ERC1: variants seen among roughly 807,000 people sequenced by gnomAD.
ERC1 encodes ELKS/RAB6-interacting/CAST family member 1.
A neutral mutation model predicts 132.0 loss-of-function variants in ERC1; 56 were observed. That is an observed-to-expected ratio of 0.42 (90% CI 0.34 to 0.53). The LOEUF is 0.53. ERC1 is among the 20% of genes least tolerant of loss of function. The probability of loss-of-function intolerance (pLI) is 0.03; values close to 1 mark genes in which losing one functional copy is unlikely to be tolerated. For missense variants in ERC1, 1,202 were observed against 1,349.9 expected (o/e 0.89, Z 1.72); for synonymous variants, 478 against 476.1 (o/e 1.00, Z -0.05).
chr12:1,397,999 G>GT (rs976445059), intron 16 of ERC1, among the ~76,000 whole-genome samples: 4 of 151,956 alleles, frequency 2.6e-5, no homozygotes, highest in Non-Finnish European at 4.4e-5. Context: ...AAAATGCGAA[G>GT]TTTTTTTTAG....
intron 17 of ERC1, among the ~76,000 whole-genome samples, chr12:1,437,002 C>T (rs1463250408): frequency 6.6e-6 from 1 of 152,088 alleles, no homozygotes; most frequent in Non-Finnish European, 1.5e-5. Flanking sequence ...TTATACTTAA[C>T]TCTTCCATTT....
At chr12:1,309,109 G>GTTT (rs2081098556) in intron 15 of ERC1, among the ~76,000 whole-genome samples, 1 of 152,220 alleles carries the variant, frequency 6.6e-6, no homozygotes. Flanking sequence ...CTGGAACTGT[G>GTTT]AGAAGTAATT....
intron 17 of ERC1, among the ~76,000 whole-genome samples, chr12:1,411,414 A>G (rs146482633): frequency 1.7e-4 from 26 of 152,188 alleles, no homozygotes; most frequent in African/African-American, 5.5e-4. Flanking sequence ...TGATGAGGAC[A>G]TGTGTAGATC....
At chr12:1,384,708 T>G (rs1024272903) in intron 16 of ERC1, among the ~76,000 whole-genome samples, 3 of 152,210 alleles carry the variant, frequency 2.0e-5, no homozygotes, top group African/African-American at 7.2e-5. Context: ...TTATGAAATA[T>G]AAGAATTTAA....
intron 12 of ERC1, among the ~76,000 whole-genome samples, chr12:1,198,450 A>G (rs564642320): frequency 1.8e-4 from 27 of 152,292 alleles, no homozygotes; most frequent in African/African-American, 5.8e-4. Flanking sequence ...ATAGAACTGG[A>G]GATCAGTTTT....
intron 16 of ERC1, among the ~76,000 whole-genome samples, chr12:1,387,449 A>G (rs1353578082): frequency 1.3e-5 from 2 of 152,216 alleles, no homozygotes; most frequent in Admixed American, 6.5e-5. Flanking sequence ...TCCAGTTTCT[A>G]TAACCTGTAA....
At chr12:1,015,161 G>A (rs1007500831) in intron 1 of ERC1, among the ~76,000 whole-genome samples, 6 of 151,386 alleles carry the variant, frequency 4.0e-5, no homozygotes, top group Non-Finnish European at 8.8e-5. Context: ...CTCTGCCTCC[G>A]GAGTTCAGGC....
chr12:1,092,001 CTTTTTT>C (rs34377863), intron 3 of ERC1, among the ~76,000 whole-genome samples: 1 of 138,060 alleles, frequency 7.2e-6, no homozygotes. Context: ...TTAATCAATT[CTTTTTT>C]TTTTTTTTTG....
At position 1,083,518 on chromosome 12, in the gene ERC1, C is replaced by T. The variant is rs1375220297; in HGVS notation, c.1024C>T (p.His342Tyr). The T allele has an allele frequency of 1.2e-6, 2 of 1,613,600 alleles. No individual in the cohort carries two copies. The highest frequency in any genetic ancestry group is 2.2e-5 in the East Asian group (1 of 44,892). ...AAGACGACTGGCAGAGGCAGAGATG[C>T]ACGTTCATCACCTAGAAAGCCTTTT... ...RTRRLAEAEM[H>Y]VHHLESLLEQ... The change falls in exon 3 of 19, where the codon CAC (histidine) becomes TAC (tyrosine). Residue 342 changes from histidine to tyrosine, a missense_variant. Transcript: ENST00000360905.
chr12:1,332,784 C>G (rs2082966458), intron 15 of ERC1, among the ~76,000 whole-genome samples: 1 of 152,160 alleles, frequency 6.6e-6, no homozygotes, highest in Non-Finnish European at 1.5e-5. Context: ...TCTCTGCTTA[C>G]TTGTTACAGG....
chr12:1,304,652 T>C (rs2080698379), intron 15 of ERC1, among the ~76,000 whole-genome samples: 1 of 152,198 alleles, frequency 6.6e-6, no homozygotes, highest in Non-Finnish European at 1.5e-5. Flanking sequence ...AGAATATTGG[T>C]TGATCTGGAG....
intron 15 of ERC1, among the ~76,000 whole-genome samples, chr12:1,322,615 A>G (rs73034944): frequency 0.035 from 5,263 of 152,268 alleles, 98 homozygotes; most frequent in Middle Eastern, 0.075. Context: ...TAGTCTAAAC[A>G]TCTTTAATAA....
rs147228986 is a variant in ERC1 at position 1,113,584 on chromosome 12, G to A, written c.1401+1286G>A. Among the ~76,000 whole-genome samples the A allele has an allele frequency of 2.7e-4, 41 of 152,252 alleles. 3 individuals are homozygous for A. The East Asian group carries it at 7.9e-3, about 29-fold the overall frequency. On this transcript the variant is annotated intron_variant, in intron 6 of 18. Transcript: ENST00000360905. Reference sequence around the variant, plus strand: ...AAAAAACCAAACTTGGGCTACTTTTGTAGATTTGCTATTTATGGTCCACTT... The same window carrying A: ...AAAAAACCAAACTTGGGCTACTTTTATAGATTTGCTATTTATGGTCCACTT...
At chr12:1,127,728 A>G (rs770343367) in intron 7 of ERC1, among the ~76,000 whole-genome samples, 1 of 152,252 alleles carries the variant, frequency 6.6e-6, no homozygotes, top group Non-Finnish European at 1.5e-5. Context: ...TCTAAGATAC[A>G]TATTCAGGAA....
intron 2 of ERC1, among the ~76,000 whole-genome samples, chr12:1,036,560 G>A (rs1029247372): frequency 3.9e-5 from 6 of 152,038 alleles, no homozygotes; most frequent in Non-Finnish European, 7.4e-5. Context: ...ATTTTTAGTA[G>A]AGATGGTGTT....
intron 1 of ERC1, among the ~76,000 whole-genome samples, chr12:1,026,042 C>T (rs981883573): frequency 5.9e-5 from 9 of 152,100 alleles, no homozygotes; most frequent in African/African-American, 1.4e-4. Flanking sequence ...GTGATCCACC[C>T]GCCTTGGTCT....
intron 1 of ERC1, among the ~76,000 whole-genome samples, chr12:1,023,952 A>T (rs1966726615): frequency 6.6e-6 from 1 of 152,236 alleles, no homozygotes; most frequent in Non-Finnish European, 1.5e-5. Flanking sequence ...CTTCCATCAG[A>T]ATAGAGGAAG....
intron 12 of ERC1, among the ~76,000 whole-genome samples, chr12:1,228,933 T>C (rs2074814331): frequency 6.6e-6 from 1 of 152,246 alleles, no homozygotes; most frequent in Non-Finnish European, 1.5e-5. Flanking sequence ...TTGAAAGTTT[T>C]GCGTCTAGTT....
Position 1,256,407 on chromosome 12 carries a change from C to T in ERC1, c.2488-6627C>T, listed in dbSNP as rs1397996944. On this transcript the variant is annotated intron_variant, in intron 13 of 18. Coordinates refer to ENST00000360905, the MANE Select transcript of ERC1 (RefSeq NM_178040.4). ...GGGGGCCAATAGACTCTGAGTATTT[C>T]GTTCTCAGACTAAAAAAAAAAAAAA... 8.1e-5 allele frequency among the ~76,000 whole-genome samples: 11 copies of T among 136,178 alleles called. No individual in the cohort carries two copies. In the East Asian group the frequency reaches 8.2e-4, roughly 10 times the overall value. The allele number at this position is 136,178 out of a possible 152,430, so 89.3% of individuals were successfully genotyped here.
Sources: gnomAD v4.1 joint callset for allele counts (sites outside exome capture counted in the v4.1 genomes callset) on GRCh38, gnomAD v4.1.1 for gene constraint, MANE v1.5 for transcripts, NCBI Gene and HGNC (gene_info 2026-07-23, HGNC 2026-07-21) for gene names.